Variants in PCDH15 observed in about 807,000 individuals in gnomAD.
PCDH15 encodes the protein protocadherin related 15, also known as protocadherin-15.
In PCDH15, 129 loss-of-function variants were observed where a neutral mutation model predicts 178.5. The observed-to-expected ratio is 0.72, with a 90% CI of 0.63 to 0.84. PCDH15 has a LOEUF of 0.84. Ranked by LOEUF, PCDH15 falls within the 40% of genes least tolerant of loss-of-function variation. The probability of loss-of-function intolerance (pLI) is 0.00; values close to 1 mark genes in which losing one functional copy is unlikely to be tolerated. For missense variants in PCDH15, 2,230 were observed against 2,099.9 expected (o/e 1.06, Z -1.21); for synonymous variants, 800 against 732.0 (o/e 1.09, Z -1.50).
At chr10:53,914,660 T>C (rs867938746) in intron 25 of PCDH15, among the ~76,000 whole-genome samples, 1 of 152,144 alleles carries the variant, frequency 6.6e-6, no homozygotes, top group Non-Finnish European at 1.5e-5. Context: ...AAATACCTAA[T>C]GTAAATGTCG....
intron 23 of PCDH15, among the ~76,000 whole-genome samples, chr10:53,953,349 A>C (rs2087277243): frequency 6.6e-6 from 1 of 152,250 alleles, no homozygotes; most frequent in African/African-American, 2.4e-5. Flanking sequence ...TGATGTGAAA[A>C]GGTCAAGAAA....
chr10:54,839,210 C>T (rs570134449), intron 3 of PCDH15, among the ~76,000 whole-genome samples: 10 of 151,958 alleles, frequency 6.6e-5, no homozygotes, highest in Non-Finnish European at 1.5e-4. Context: ...TATGAACTTT[C>T]CAACAAAGAG....
At position 54,748,526 on chromosome 10, in the gene PCDH15, A is replaced by G. The variant is rs11004538; in HGVS notation, c.-29+52399T>C. Among the ~76,000 whole-genome samples, 1,520 of 152,266 alleles carry G rather than the reference A, an allele frequency of 1.0e-2. 22 individuals carry two copies. Among genetic ancestry groups the G allele is most frequent in the East Asian group, 0.055 (285 of 5,168 alleles). On this transcript the variant is annotated intron_variant, in intron 1 of 37. Coordinates refer to ENST00000644397, the MANE Select transcript of PCDH15 (RefSeq NM_001384140.1). Reference sequence around the variant, plus strand: ...AACTGTCCATACCCCATGTGTCCCCACGGTATATTCGATCTTTATTTTGAA... The same window carrying G: ...AACTGTCCATACCCCATGTGTCCCCGCGGTATATTCGATCTTTATTTTGAA...
chr10:54,618,958 A>T (rs2093272221), intron 2 of PCDH15, among the ~76,000 whole-genome samples: 1 of 152,036 alleles, frequency 6.6e-6, no homozygotes, highest in Admixed American at 6.6e-5. Context: ...CATCAAATGG[A>T]TGTTTTCATT....
At chr10:55,224,366 G>A (rs1477511713) in intron 1 of PCDH15, among the ~76,000 whole-genome samples, 1 of 152,126 alleles carries the variant, frequency 6.6e-6, no homozygotes, top group East Asian at 1.9e-4. Context: ...GGCTGTCTTT[G>A]ACTAGGTGGT....
At chr10:54,626,426 G>A (rs1160032174) in intron 2 of PCDH15, among the ~76,000 whole-genome samples, 1 of 152,148 alleles carries the variant, frequency 6.6e-6, no homozygotes, top group Middle Eastern at 3.2e-3. Flanking sequence ...TGTGCAGCCA[G>A]GGACCTGATG....
In PCDH15 at chr10:54,236,889, T is replaced by C; in HGVS notation, c.919A>G (p.Ile307Val). Residue 307 changes from isoleucine to valine, a missense_variant, in exon 9 of 38, where the codon ATT becomes GTT. Ile to Val is a conservative substitution (Grantham distance 29). Transcript: ENST00000644397. ...GGTTGAATATTCCGGTCCTGATCAA[T>C]GGCTTGGATTGGTGGCGTAACAATA... The part of the protein sequence containing the change: ...PIIVTPPIQA[I>V]DQDRNIQPPS... The C allele has an allele frequency of 6.2e-7, 1 of 1,613,710 alleles. No individual in the cohort carries two copies. The highest frequency in any genetic ancestry group is 8.5e-7 in the Non-Finnish European group (1 of 1,179,706).
intron 2 of PCDH15, among the ~76,000 whole-genome samples, chr10:55,434,595 C>T (rs1838988269): frequency 7.2e-6 from 1 of 138,984 alleles, no homozygotes; most frequent in Non-Finnish European, 1.5e-5. Context: ...TATTCAATTA[C>T]AAAGTCATGA....
At chr10:54,490,337 C>T (rs2137105794) in intron 3 of PCDH15, among the ~76,000 whole-genome samples, 1 of 152,090 alleles carries the variant, frequency 6.6e-6, no homozygotes, top group South Asian at 2.1e-4. Context: ...GTAGTCCCAA[C>T]TACTCGGGAG....
chr10:55,007,900 C>A (rs542939303), intron 2 of PCDH15, among the ~76,000 whole-genome samples: 1 of 152,210 alleles, frequency 6.6e-6, no homozygotes, highest in East Asian at 1.9e-4. Context: ...CAAAAACCTG[C>A]ATACTATACA....
intron 2 of PCDH15, among the ~76,000 whole-genome samples, chr10:55,088,200 C>A (rs1045967454): frequency 4.6e-5 from 7 of 151,716 alleles, no homozygotes; most frequent in Non-Finnish European, 7.4e-5. Context: ...TCCAGGTCAC[C>A]TAAATATTAC....
chr10:55,192,578 T>C (rs1839972372), intron 1 of PCDH15, among the ~76,000 whole-genome samples: 1 of 151,788 alleles, frequency 6.6e-6, no homozygotes, highest in Non-Finnish European at 1.5e-5. Context: ...CAAAGACTAA[T>C]CCCAAGGAAT....
At chr10:55,173,192 T>C (rs969485612) in intron 1 of PCDH15, among the ~76,000 whole-genome samples, 1 of 151,882 alleles carries the variant, frequency 6.6e-6, no homozygotes, top group Non-Finnish European at 1.5e-5. Context: ...CCAGGTAACA[T>C]ACTGAATCTT....
rs1003648987 is a variant in PCDH15, at chr10:54,708,991, A to G, written c.-28-44701T>C. ...ACAATTTTTATCGCTTGAGTTAGAC[A>G]TCATGTTGTAAAGTGAGTGCCTTAG... On this transcript the variant is annotated intron_variant, in intron 1 of 37. Coordinates refer to ENST00000644397, the MANE Select transcript of PCDH15 (RefSeq NM_001384140.1). Among the ~76,000 whole-genome samples, 4 of 152,186 alleles carry G rather than the reference A, an allele frequency of 2.6e-5. No homozygotes were observed. In the South Asian group the frequency reaches 8.3e-4, roughly 31 times the overall value.
chr10:55,218,132 G>C (rs537027712), intron 1 of PCDH15, among the ~76,000 whole-genome samples: 6 of 151,960 alleles, frequency 3.9e-5, no homozygotes, highest in Non-Finnish European at 7.4e-5. Flanking sequence ...TTTAAAATAG[G>C]CATGTGTGTT....
At chr10:54,849,025 T>C (rs1953562950) in intron 3 of PCDH15, among the ~76,000 whole-genome samples, 2 of 149,742 alleles carry the variant, frequency 1.3e-5, no homozygotes, top group African/African-American at 2.4e-5. Flanking sequence ...TCTTAATTTG[T>C]TATCTATAAA....
chr10:55,307,394 T>C (rs578042904), intron 1 of PCDH15, among the ~76,000 whole-genome samples: 1 of 151,464 alleles, frequency 6.6e-6, no homozygotes, highest in Non-Finnish European at 1.5e-5. Context: ...TCCCAGCTAC[T>C]CGGGAGGCTG....
At chr10:54,065,552 T>G (rs1025038857) in intron 18 of PCDH15, among the ~76,000 whole-genome samples, 3 of 152,224 alleles carry the variant, frequency 2.0e-5, no homozygotes, top group Non-Finnish European at 4.4e-5. Flanking sequence ...AATCGCTTGT[T>G]GGCCAGTTGG....
intron 33 of PCDH15, among the ~76,000 whole-genome samples, chr10:53,819,048 T>C (rs567684861): frequency 6.6e-6 from 1 of 152,174 alleles, no homozygotes; most frequent in Non-Finnish European, 1.5e-5. Context: ...CTGCAGTGAA[T>C]TTCGTAGAGT....
Sources: allele counts gnomAD v4.1 joint callset (sites outside exome capture counted in the v4.1 genomes callset), GRCh38; gene constraint gnomAD v4.1.1; transcripts MANE v1.5; gene names NCBI Gene and HGNC (gene_info 2026-07-23, HGNC 2026-07-21).